The following CD59 variants were observed in gnomAD, a reference collection of about 807,000 sequenced individuals.
CD59 encodes CD59 molecule (CD59 blood group).
A neutral mutation model predicts 7.0 loss-of-function variants in CD59; 3 were observed. That is an observed-to-expected ratio of 0.43 (90% CI 0.19 to 1.10). The LOEUF (loss-of-function observed/expected upper bound fraction) is 1.10, where lower values mean the gene tolerates loss of function less well. Among genes scored for constraint, CD59 ranks in the 50% least tolerant of loss-of-function variants. The probability of loss-of-function intolerance (pLI) is 0.29; values close to 1 mark genes in which losing one functional copy is unlikely to be tolerated. For synonymous variants in CD59, 60 were observed against 62.0 expected (o/e 0.97, Z 0.15); for missense variants, 143 against 151.0 (o/e 0.95, Z 0.28).
chr11:33,714,656 C>A (rs532389543), intron 3 of CD59, among the ~76,000 whole-genome samples: 3 of 152,288 alleles, frequency 2.0e-5, no homozygotes, highest in Non-Finnish European at 4.4e-5. Flanking sequence ...ACATGTTATA[C>A]AGTGGCACAA....
chr11:33,718,198 C>T (rs548527936), intron 2 of CD59: 1 of 153,704 alleles, frequency 6.5e-6, no homozygotes, highest in African/African-American at 2.4e-5. Context: ...TATTTACTAT[C>T]TGGGCCAGGC....
At chr11:33,735,735 G>C (rs1326775257) in intron 1 of CD59, among the ~76,000 whole-genome samples, 6 of 145,104 alleles carry the variant, frequency 4.1e-5, no homozygotes, top group Non-Finnish European at 7.4e-5. Context: ...GACCAACATG[G>C]GAAAACCCCG....
In CD59 at chr11:33,708,483, C is replaced by T. The variant is rs1292639668; in HGVS notation, c.*1643G>A. ...ACCCCCCCGCCCCCAAAAAAGTTCC[C>T]AGAAATTCATTTTCTGCTTAAATTC... On this transcript the variant is annotated 3_prime_UTR_variant, in exon 4 of 4. Coordinates refer to ENST00000642928, the MANE Select transcript of CD59 (RefSeq NM_000611.6). 5 of 136,436 alleles carry T rather than the reference C, an allele frequency of 3.7e-5. No homozygotes were observed. The Admixed American group carries it at 4.0e-4, about 11-fold the overall frequency. 8.5% of individuals were successfully genotyped at this position (136,436 alleles called of 1,614,324 possible).
intron 3 of CD59, among the ~76,000 whole-genome samples, chr11:33,712,078 C>T (rs917956419): frequency 6.6e-6 from 1 of 152,204 alleles, no homozygotes; most frequent in African/African-American, 2.4e-5. Context: ...TGGAAGAATA[C>T]ACTTCGTTTA....
chr11:33,719,574 C>T (rs966556717), intron 2 of CD59: 2 of 152,156 alleles, frequency 1.3e-5, no homozygotes, highest in Admixed American at 6.5e-5. Context: ...GTGAGCCAAG[C>T]TTGCACCACT....
chr11:33,712,837 T>C (rs1853621292), intron 3 of CD59, among the ~76,000 whole-genome samples: 1 of 152,252 alleles, frequency 6.6e-6, no homozygotes, highest in African/African-American at 2.4e-5. Flanking sequence ...TGTGACCCAT[T>C]TGTGGAAATA....
chr11:33,730,506 AT>A (rs1854385263), intron 1 of CD59, among the ~76,000 whole-genome samples: 1 of 152,232 alleles, frequency 6.6e-6, no homozygotes, highest in Non-Finnish European at 1.5e-5. Flanking sequence ...AAGATGCAGT[AT>A]TAAATCATAC....
intron 1 of CD59, among the ~76,000 whole-genome samples, chr11:33,730,711 T>A (rs1399695680): frequency 6.6e-6 from 1 of 151,980 alleles, no homozygotes; most frequent in African/African-American, 2.4e-5. Flanking sequence ...TCTCTTGCAG[T>A]TCTTGAGTAT....
Position 33,722,820 on chromosome 11 carries a change from C to T in CD59, c.-18-357G>A, listed in dbSNP as rs1001490029. ...CTGGCTGAAAGAGAGGGCCACTTCT[C>T]GGAGCCACAGCACTAAGTGAATCAG... On this transcript the variant is annotated intron_variant, in intron 1 of 3. Transcript: ENST00000642928. 3.3e-5 allele frequency: 31 copies of T among 932,664 alleles called. 1 individual carries two copies. The highest frequency in any genetic ancestry group is 7.3e-5 in the South Asian group (4 of 55,102). 57.8% of individuals were successfully genotyped at this position (932,664 alleles called of 1,614,324 possible). A position where few individuals can be genotyped will look rare whatever the true frequency, so the allele number is the denominator to read the frequency against.
Position 33,703,490 on chromosome 11 carries a change from G to A in CD59, c.*6636C>T, listed in dbSNP as rs1853178408. 6.6e-6 allele frequency: 1 copy of A among 152,220 alleles called. No individual in the cohort carries two copies. The highest frequency in any genetic ancestry group is 2.1e-4 in the South Asian group (1 of 4,836). 9.4% of individuals were successfully genotyped at this position (152,220 alleles called of 1,614,324 possible). A position where few individuals can be genotyped will look rare whatever the true frequency, so the allele number is the denominator to read the frequency against. On this transcript the variant is annotated 3_prime_UTR_variant, in exon 4 of 4. Coordinates refer to ENST00000642928, the MANE Select transcript of CD59 (RefSeq NM_000611.6). ...CAAATGCCCCATTAAGTACCATCCT[G>A]TTGGAGCTTCCTAACGCCCCTGCTC...
chr11:33,725,481 T>C (rs1163824869), intron 1 of CD59, among the ~76,000 whole-genome samples: 2 of 152,190 alleles, frequency 1.3e-5, no homozygotes, highest in African/African-American at 4.8e-5. Context: ...ACTGTTCTAA[T>C]AATACTGCTA....
intron 1 of CD59, among the ~76,000 whole-genome samples, chr11:33,728,616 G>A (rs1226065225): frequency 1.3e-5 from 2 of 152,160 alleles, no homozygotes; most frequent in African/African-American, 4.8e-5. Flanking sequence ...CATGGACAAA[G>A]ACTTCATGAC....
chr11:33,721,570 C>A (rs182161560), intron 2 of CD59, among the ~76,000 whole-genome samples: 18 of 152,348 alleles, frequency 1.2e-4, no homozygotes, highest in Middle Eastern at 3.4e-3. Context: ...ATGACACAGG[C>A]AGACAACCAC....
At chr11:33,722,845 G>T in intron 1 of CD59, 1 of 929,400 alleles carries the variant, frequency 1.1e-6, no homozygotes, top group Non-Finnish European at 1.4e-6. Context: ...AAGTGAATCA[G>T]ACCAAAGGGG....
In CD59 at chr11:33,730,056, T is replaced by C. The variant is rs180852838; in HGVS notation, c.-19+6326A>G. ...TTTAAAATTAAGAAAAATTTAGGTA[T>C]GTCATGAATGTATAAAATGTATATA... On this transcript the variant is annotated intron_variant, in intron 1 of 3. Transcript: ENST00000642928. Among the ~76,000 whole-genome samples the C allele has an allele frequency of 3.4e-3, 523 of 152,302 alleles. 1 individual carries two copies. The highest frequency in any genetic ancestry group is 5.9e-3 in the Non-Finnish European group (398 of 68,032).
At chr11:33,725,253 A>G (rs1854220221) in intron 1 of CD59, among the ~76,000 whole-genome samples, 1 of 149,988 alleles carries the variant, frequency 6.7e-6, no homozygotes. Flanking sequence ...TGGTAAAACT[A>G]CTCCCTAGAC....
chr11:33,729,598 T>C (rs766154260), intron 1 of CD59, among the ~76,000 whole-genome samples: 1 of 151,862 alleles, frequency 6.6e-6, no homozygotes, highest in African/African-American at 2.4e-5. Context: ...CACACCAACA[T>C]AGCACATGTA....
At chr11:33,710,431 C>T (rs1590513807) in intron 3 of CD59, 88 bp from the exon 4 acceptor site, 2 of 1,065,180 alleles carry the variant, frequency 1.9e-6, no homozygotes, top group African/African-American at 1.5e-5. Context: ...TCGTATGTAT[C>T]CTGTGCAAGT....
At chr11:33,729,292 G>T (rs1365084716) in intron 1 of CD59, among the ~76,000 whole-genome samples, 1 of 152,204 alleles carries the variant, frequency 6.6e-6, no homozygotes, top group Non-Finnish European at 1.5e-5. Flanking sequence ...TAAAGAAAAT[G>T]TGGCACATAT....
Sources: gnomAD v4.1 joint callset for allele counts (sites outside exome capture counted in the v4.1 genomes callset) on GRCh38, gnomAD v4.1.1 for gene constraint, MANE v1.5 for transcripts, NCBI Gene and HGNC (gene_info 2026-07-23, HGNC 2026-07-21) for gene names.